FAM241A: variants seen among roughly 807,000 people sequenced by gnomAD.
FAM241A encodes uncharacterized protein FAM241A.
A neutral mutation model predicts 12.2 loss-of-function variants in FAM241A; 7 were observed. That is an observed-to-expected ratio of 0.58 (90% CI 0.33 to 1.08). The LOEUF (loss-of-function observed/expected upper bound fraction) is 1.08. Ranked by LOEUF, FAM241A falls within the 50% of genes least tolerant of loss-of-function variation. The pLI is 0.04. For missense variants in FAM241A, 161 were observed against 169.7 expected (o/e 0.95, Z 0.29); for synonymous variants, 74 against 68.2 (o/e 1.08, Z -0.42).
intron 1 of FAM241A, among the ~76,000 whole-genome samples, chr4:112,152,807 C>A (rs2110420221): frequency 6.6e-6 from 1 of 152,282 alleles, no homozygotes; most frequent in African/African-American, 2.4e-5. Flanking sequence ...TCTTTATTAG[C>A]CCCCGTGATC....
At chr4:112,181,373 A>T (rs540570984) in intron 1 of FAM241A, among the ~76,000 whole-genome samples, 44 of 152,032 alleles carry the variant, frequency 2.9e-4, no homozygotes, top group Non-Finnish European at 5.4e-4. Flanking sequence ...TACTTCTCTA[A>T]TGCCTGCCAG....
chr4:112,184,920 C>T (rs1724010004), intron 1 of FAM241A, among the ~76,000 whole-genome samples: 1 of 152,068 alleles, frequency 6.6e-6, no homozygotes, highest in South Asian at 2.1e-4. Context: ...AAGTTTGATT[C>T]AGATGTTTGA....
Position 112,194,257 on chromosome 4 carries a change from A to G in FAM241A, c.*7319A>G, listed in dbSNP as rs1422732249. The G allele has an allele frequency of 6.0e-5, 9 of 150,650 alleles. No homozygotes were observed. Among genetic ancestry groups the G allele is most frequent in the African/African-American group, 2.0e-4 (8 of 40,948 alleles). The allele number at this position is 150,650 out of a possible 1,614,324, so 9.3% of individuals were successfully genotyped here. A position where few individuals can be genotyped will look rare whatever the true frequency, so the allele number is the denominator to read the frequency against. On this transcript the variant is annotated 3_prime_UTR_variant, in exon 2 of 2. Transcript: ENST00000309733. ...CTTAAGGAGATTTTGGGCTGAGACA[A>G]TGGGGTTTTCTAGATATACAATCAT...
At chr4:112,146,938 T>C (rs1373449855) in intron 1 of FAM241A, among the ~76,000 whole-genome samples, 1 of 152,226 alleles carries the variant, frequency 6.6e-6, no homozygotes, top group African/African-American at 2.4e-5. Context: ...TCCCGTTAAC[T>C]ATTCATTTGC....
At chr4:112,183,355 T>G (rs1015567071) in intron 1 of FAM241A, among the ~76,000 whole-genome samples, 2 of 152,136 alleles carry the variant, frequency 1.3e-5, no homozygotes, top group Non-Finnish European at 2.9e-5. Flanking sequence ...TACTGGGTCT[T>G]CAGCTTCCAG....
chr4:112,152,980 T>A (rs1040250661), intron 1 of FAM241A, among the ~76,000 whole-genome samples: 2 of 152,198 alleles, frequency 1.3e-5, no homozygotes, highest in Non-Finnish European at 2.9e-5. Context: ...TCCCTCACCT[T>A]TTCTATTTTT....
intron 1 of FAM241A, among the ~76,000 whole-genome samples, chr4:112,151,253 T>TTCCC (rs1416693229): frequency 6.6e-6 from 1 of 152,110 alleles, no homozygotes; most frequent in Non-Finnish European, 1.5e-5. Context: ...CTCTCTCTCC[T>TTCCC]TCCCTCCCTC....
intron 1 of FAM241A, among the ~76,000 whole-genome samples, chr4:112,147,698 TTTTG>T (rs1397856022): frequency 6.6e-6 from 1 of 152,206 alleles, no homozygotes; most frequent in East Asian, 1.9e-4. Flanking sequence ...GGGAGATGAT[TTTTG>T]TTTGTCCTGT....
chr4:112,171,825 C>G (rs1199278803), intron 1 of FAM241A, among the ~76,000 whole-genome samples: 1 of 152,048 alleles, frequency 6.6e-6, no homozygotes, highest in Non-Finnish European at 1.5e-5. Flanking sequence ...CGCCACTGCA[C>G]TCCAACCTGG....
rs568700267 is a variant in FAM241A, at chr4:112,154,261, A to C, written c.153+8528A>C. 2.6e-5 allele frequency among the ~76,000 whole-genome samples: 4 copies of C among 152,156 alleles called. No homozygotes were observed. In the East Asian group the frequency reaches 7.7e-4, roughly 29 times the overall value. On this transcript the variant is annotated intron_variant, in intron 1 of 1. Transcript: ENST00000309733. Reference sequence around the variant, plus strand: ...CCCTAAGTTTGATACTTTATTTTTTAAAATTTATTTCTTATTTTTTTATTT... The same window carrying C: ...CCCTAAGTTTGATACTTTATTTTTTCAAATTTATTTCTTATTTTTTTATTT...
In FAM241A at chr4:112,145,471, C is replaced by T; in HGVS notation, c.-110C>T. ...CGGGGCGCGCTCCGGCGGCTCCTGT[C>T]AGCGGCGGGTGCGGCGGATCCCAGG... On this transcript the variant is annotated 5_prime_UTR_variant, in exon 1 of 2. Coordinates refer to ENST00000309733, the MANE Select transcript of FAM241A (RefSeq NM_152400.3). The T allele has an allele frequency of 4.6e-6, 5 of 1,098,150 alleles. No individual in the cohort carries two copies. The highest frequency in any genetic ancestry group is 5.7e-6 in the Non-Finnish European group (5 of 877,898). The allele number at this position is 1,098,150 out of a possible 1,614,324, so 68.0% of individuals were successfully genotyped here. A position where few individuals can be genotyped will look rare whatever the true frequency, so the allele number is the denominator to read the frequency against.
chr4:112,153,730 G>C (rs1723294297), intron 1 of FAM241A, among the ~76,000 whole-genome samples: 1 of 152,100 alleles, frequency 6.6e-6, no homozygotes, highest in Non-Finnish European at 1.5e-5. Flanking sequence ...GGAAGTGATT[G>C]GCTTTATTTC....
chr4:112,160,501 A>G (rs1723442150), intron 1 of FAM241A, among the ~76,000 whole-genome samples: 4 of 152,190 alleles, frequency 2.6e-5, no homozygotes, highest in African/African-American at 7.2e-5. Context: ...TACAGATTCA[A>G]CGCAATTTCT....
chr4:112,158,764 A>G (rs1723404050), intron 1 of FAM241A, among the ~76,000 whole-genome samples: 1 of 152,180 alleles, frequency 6.6e-6, no homozygotes, highest in East Asian at 1.9e-4. Context: ...ATTTTGATAC[A>G]TGCATTGTAT....
At chr4:112,185,245 C>A (rs957757342) in intron 1 of FAM241A, among the ~76,000 whole-genome samples, 1 of 151,746 alleles carries the variant, frequency 6.6e-6, no homozygotes, top group Non-Finnish European at 1.5e-5. Context: ...GGGTCTGGGG[C>A]GGTGGGGAGG....
Position 112,194,108 on chromosome 4 carries a change from C to G in FAM241A, c.*7170C>G, listed in dbSNP as rs886539266. On this transcript the variant is annotated 3_prime_UTR_variant, in exon 2 of 2. Transcript: ENST00000309733. ...CCTAGGTATTTTGTTCTCTTTGAAG[C>G]AATTGTGAATGGGAGTTCACTCATG... 1 of 132,478 alleles carries G rather than the reference C, an allele frequency of 7.5e-6. No homozygotes were observed. Among genetic ancestry groups the G allele is most frequent in the Non-Finnish European group, 1.6e-5 (1 of 63,568 alleles). 8.2% of individuals were successfully genotyped at this position (132,478 alleles called of 1,614,324 possible).
At chr4:112,182,863 A>G (rs1218580272) in intron 1 of FAM241A, among the ~76,000 whole-genome samples, 3 of 152,104 alleles carry the variant, frequency 2.0e-5, no homozygotes, top group African/African-American at 4.8e-5. Context: ...GAACTGTGTT[A>G]TTTGAGAGGA....
At position 112,167,030 on chromosome 4, in the gene FAM241A, C is replaced by T. The variant is rs919373253; in HGVS notation, c.154-19663C>T. On this transcript the variant is annotated intron_variant, in intron 1 of 1. Coordinates refer to ENST00000309733, the MANE Select transcript of FAM241A (RefSeq NM_152400.3). ...TTGGGAGGCTGAGGCGGGAGAATGG[C>T]GTGAACCCGGGAGGCGGAGCTTGCA... is the stretch of plus-strand genomic sequence containing the variant. Among the ~76,000 whole-genome samples, 12 of 118,166 alleles carry T rather than the reference C, an allele frequency of 1.0e-4. 1 individual carries two copies. Among genetic ancestry groups the T allele is most frequent in the African/African-American group, 1.8e-4 (5 of 28,274 alleles). The allele number at this position is 118,166 out of a possible 152,430, so 77.5% of individuals were successfully genotyped here. A position where few individuals can be genotyped will look rare whatever the true frequency, so the allele number is the denominator to read the frequency against.
chr4:112,179,572 G>C (rs1723887562), intron 1 of FAM241A, among the ~76,000 whole-genome samples: 1 of 152,040 alleles, frequency 6.6e-6, no homozygotes, highest in Non-Finnish European at 1.5e-5. Flanking sequence ...GTGGGGAGAA[G>C]GGGGAGGGAT....
Sources: allele counts gnomAD v4.1 joint callset (sites outside exome capture counted in the v4.1 genomes callset), GRCh38; gene constraint gnomAD v4.1.1; transcripts MANE v1.5; gene names NCBI Gene and HGNC (gene_info 2026-07-23, HGNC 2026-07-21).